Variants in SUZ12 observed in about 807,000 individuals in gnomAD.
SUZ12 encodes the protein SUZ12 polycomb repressive complex 2 subunit, also known as polycomb protein SUZ12.
SUZ12 carries 17 observed loss-of-function variants against 87.3 expected under a neutral mutation model. The observed-to-expected ratio is 0.19, with a 90% CI of 0.13 to 0.29. The LOEUF is 0.29. SUZ12 is among the 10% of genes least tolerant of loss of function. The pLI, the probability that SUZ12 is intolerant of heterozygous loss-of-function variation, is 1.00. For synonymous variants in SUZ12, 253 were observed against 312.4 expected, an observed-to-expected ratio of 0.81 and a Z score of 2.01; for missense variants, 526 against 912.2, an observed-to-expected ratio of 0.58 and a Z score of 5.45.
At chr17:31,949,660 GCCCC>G (rs796561870) in intron 4 of SUZ12, among the ~76,000 whole-genome samples, 375 of 5,366 alleles carry the variant, frequency 0.07, 2 homozygotes, top group African/African-American at 0.093. Flanking sequence ...ACCACACCCA[GCCCC>G]CCCCCCCCCC....
intron 9 of SUZ12, among the ~76,000 whole-genome samples, chr17:31,985,822 C>G (rs926513031): frequency 6.6e-6 from 1 of 151,824 alleles, no homozygotes; most frequent in African/African-American, 2.4e-5. Context: ...ACCACCATGC[C>G]CAGCTGATTT....
At chr17:31,982,912 G>A in intron 8 of SUZ12, 87 bp from the exon 9 acceptor site, 1 of 1,378,822 alleles carries the variant, frequency 7.3e-7, no homozygotes, top group Non-Finnish European at 9.8e-7. Context: ...TTTAATAAAT[G>A]GTTTTAGTAT....
chr17:31,941,745 T>G (rs1167432450), intron 3 of SUZ12, among the ~76,000 whole-genome samples: 2 of 151,756 alleles, frequency 1.3e-5, no homozygotes, highest in Admixed American at 1.3e-4. Flanking sequence ...GAGATGGGGT[T>G]TCTCTGTGTT....
At chr17:31,974,467 C>T (rs1406037817) in intron 6 of SUZ12, among the ~76,000 whole-genome samples, 1 of 152,198 alleles carries the variant, frequency 6.6e-6, no homozygotes, top group East Asian at 1.9e-4. Context: ...GCGGAGCTTG[C>T]AGCGAGCCGA....
chr17:31,952,584 A>G (rs572905580), intron 4 of SUZ12, among the ~76,000 whole-genome samples: 3 of 152,074 alleles, frequency 2.0e-5, no homozygotes, highest in South Asian at 4.2e-4. Context: ...TTTTTTTGAG[A>G]TGGAATGTGG....
chr17:31,982,419 TAGG>T (rs1388865691), intron 8 of SUZ12, among the ~76,000 whole-genome samples: 1 of 152,162 alleles, frequency 6.6e-6, no homozygotes, highest in African/African-American at 2.4e-5. Flanking sequence ...CCCAGCACTT[TAGG>T]AGGCCAAGAT....
At chr17:31,946,333 A>G (rs1335766992) in intron 3 of SUZ12, among the ~76,000 whole-genome samples, 3 of 152,186 alleles carry the variant, frequency 2.0e-5, no homozygotes, top group Admixed American at 1.3e-4. Flanking sequence ...GAGGAGTTCA[A>G]GACCAGCCTG....
At chr17:31,956,387 T>C (rs1907338184) in intron 4 of SUZ12, among the ~76,000 whole-genome samples, 1 of 152,014 alleles carries the variant, frequency 6.6e-6, no homozygotes, top group Non-Finnish European at 1.5e-5. Flanking sequence ...AGAGATGGGG[T>C]TTCACCGTGT....
In SUZ12 at chr17:31,998,718, G is replaced by A. The variant is rs1289679388; in HGVS notation, c.1935G>A (p.Gln645=). ...ACMLFVENYG[Q]KIIKKNLCRN... ...TGCTGTTTGTAGAAAATTATGGACA[G>A]AAAATAATTAAGAAGAATTTATGTC... The change falls in exon 16 of 16, where the codon CAG becomes CAA. Residue 645 remains glutamine, a synonymous_variant. Coordinates refer to ENST00000322652, the MANE Select transcript of SUZ12 (RefSeq NM_015355.4). The A allele has an allele frequency of 1.9e-6, 3 of 1,601,298 alleles. No individual in the cohort carries two copies. The highest frequency in any genetic ancestry group is 3.5e-5 in the Admixed American group (2 of 57,748).
chr17:31,977,041 G>A (rs1908797301), intron 8 of SUZ12, among the ~76,000 whole-genome samples: 1 of 152,200 alleles, frequency 6.6e-6, no homozygotes, highest in East Asian at 1.9e-4. Flanking sequence ...TATCCTCTGG[G>A]AGGAGGTAGT....
At position 31,993,852 on chromosome 17, in the gene SUZ12, T is replaced by A. The variant is rs183542211; in HGVS notation, c.1294-13T>A. ...AAATTGGAGATTTGCTTTTTTTTTT[T>A]AATTGTTTTTAGTTTCTCTATAACA... On this transcript the variant is annotated splice_polypyrimidine_tract_variant and intron_variant, in intron 11 of 15. Coordinates refer to ENST00000322652, the MANE Select transcript of SUZ12 (RefSeq NM_015355.4). The A allele has an allele frequency of 2.9e-5, 46 of 1,579,394 alleles. No individual in the cohort carries two copies. Among genetic ancestry groups the A allele is most frequent in the African/African-American group, 1.7e-4 (12 of 72,642 alleles).
At chr17:31,948,480 A>G (rs4542713) in intron 4 of SUZ12, among the ~76,000 whole-genome samples, 14 of 150,714 alleles carry the variant, frequency 9.3e-5, no homozygotes, top group African/African-American at 1.7e-4. Flanking sequence ...ATTTGTCACA[A>G]TGCATTTTTC....
intron 3 of SUZ12, among the ~76,000 whole-genome samples, chr17:31,942,233 T>C (rs1207809393): frequency 1.3e-5 from 2 of 152,216 alleles, no homozygotes; most frequent in African/African-American, 2.4e-5. Context: ...ATTTGTTACG[T>C]AAAATTTAAG....
chr17:31,998,834 T>C lies in SUZ12; in HGVS notation c.2051T>C (p.Met684Thr). 6.2e-7 allele frequency: 1 copy of C among 1,613,430 alleles called. No individual in the cohort carries two copies. The highest frequency in any genetic ancestry group is 8.5e-7 in the Non-Finnish European group (1 of 1,179,824). ...IDKAVTKLREMQQKLEKGESA... is the reference protein window; with the variant it reads ...IDKAVTKLRETQQKLEKGESA... The stretch of plus-strand genomic sequence containing the variant: ...AAAGCTGTTACCAAGCTCCGTGAAA[T>C]GCAGCAAAAATTAGAAAAGGGGGAA... Residue 684 changes from methionine (M) to threonine (T), a missense_variant, in exon 16 of 16, where the codon ATG becomes ACG. Transcript: ENST00000322652.
intron 9 of SUZ12, among the ~76,000 whole-genome samples, chr17:31,984,488 A>G (rs779629448): frequency 3.3e-5 from 5 of 152,270 alleles, no homozygotes; most frequent in Non-Finnish European, 7.3e-5. Context: ...GTAAGAAAGC[A>G]TAAAGTAAAA....
At chr17:31,954,214 C>T (rs1907162173) in intron 4 of SUZ12, among the ~76,000 whole-genome samples, 2 of 151,894 alleles carry the variant, frequency 1.3e-5, no homozygotes, top group African/African-American at 2.4e-5. Flanking sequence ...AGGCACACAC[C>T]ACCACGCCCG....
At chr17:31,984,447 T>G (rs1327272076) in intron 9 of SUZ12, among the ~76,000 whole-genome samples, 1 of 152,170 alleles carries the variant, frequency 6.6e-6, no homozygotes, top group African/African-American at 2.4e-5. Context: ...TATACTGCAG[T>G]GAGGAAGACC....
rs1231832654 is a variant in SUZ12 at position 31,975,590 on chromosome 17, A to G, written c.700A>G (p.Ser234Gly). The G allele has an allele frequency of 5.0e-6, 8 of 1,613,898 alleles. No individual in the cohort carries two copies. In the African/African-American group the frequency reaches 6.7e-5, roughly 13 times the overall value. Reference sequence around the variant, plus strand: ...AAATTTCCCGTCCCTTGCAGTTTCCAGTAATGAATTTGAACCTAGTAACAG... The same window carrying G: ...AAATTTCCCGTCCCTTGCAGTTTCCGGTAATGAATTTGAACCTAGTAACAG... ...PGNFPSLAVS[S>G]NEFEPSNSHM... The change falls in exon 7 of 16, where the codon AGT (serine) becomes GGT (glycine). Residue 234 changes from serine (S) to glycine (G), a missense_variant. Ser to Gly is a moderately conservative substitution (Grantham distance 56). Transcript: ENST00000322652.
chr17:31,988,525 A>G, intron 10 of SUZ12, 28 bp downstream of exon 10: 1 of 1,569,558 alleles, frequency 6.4e-7, no homozygotes, highest in African/African-American at 1.4e-5. Flanking sequence ...TCAAAATAAT[A>G]AAATAATGGT....
Sources: gnomAD v4.1 joint callset for allele counts (sites outside exome capture counted in the v4.1 genomes callset) on GRCh38, gnomAD v4.1.1 for gene constraint, MANE v1.5 for transcripts, NCBI Gene and HGNC (gene_info 2026-07-23, HGNC 2026-07-21) for gene names.